Variants in PDE1C observed in about 807,000 individuals in gnomAD.
PDE1C encodes the protein dual specificity calcium/calmodulin-dependent 3',5'-cyclic nucleotide phosphodiesterase 1C.
Under a neutral mutation model 93.1 loss-of-function variants are expected in PDE1C, and 62 were observed. The ratio of observed to expected loss-of-function variants is 0.67; its 90% CI spans 0.54 to 0.82. The LOEUF is 0.82. Ranked by LOEUF, PDE1C falls within the 40% of genes least tolerant of loss-of-function variation. The probability of loss-of-function intolerance (pLI) is 0.00; values close to 1 mark genes in which losing one functional copy is unlikely to be tolerated. For synonymous variants in PDE1C, 325 were observed against 310.1 expected, an observed-to-expected ratio of 1.05 and a Z score of -0.50; for missense variants, 742 against 884.6, an observed-to-expected ratio of 0.84 and a Z score of 2.04.
At chr7:31,920,954 G>A (rs984705135) in intron 2 of PDE1C, among the ~76,000 whole-genome samples, 1 of 152,108 alleles carries the variant, frequency 6.6e-6, no homozygotes, top group African/African-American at 2.4e-5. Context: ...ACCCTTATGT[G>A]CATGTATATC....
intron 1 of PDE1C, among the ~76,000 whole-genome samples, chr7:32,216,390 A>G (rs1018051203): frequency 3.9e-5 from 6 of 152,058 alleles, no homozygotes; most frequent in African/African-American, 4.8e-5. Context: ...TCCTTCCATG[A>G]CAATGTAAGC....
intron 3 of PDE1C, among the ~76,000 whole-genome samples, chr7:32,146,787 G>A (rs567719712): frequency 6.6e-6 from 1 of 152,158 alleles, no homozygotes; most frequent in South Asian, 2.1e-4. Context: ...AGCGAATAAG[G>A]CATAGAAAAA....
the PDE1C span, among the ~76,000 whole-genome samples, chr7:31,681,119 C>A: frequency 1.3e-5 from 2 of 152,166 alleles, no homozygotes; most frequent in African/African-American, 4.8e-5. Context: ...GTTCTTGAAA[C>A]CATATGACAC....
At chr7:32,376,851 T>C (rs215718) in intron 1 of PDE1C, among the ~76,000 whole-genome samples, 136,306 of 152,100 alleles carry the variant, frequency 0.9, 62,155 homozygotes, top group East Asian at 1. Context: ...CCACGCCGGG[T>C]TAATTTTTTG....
chr7:32,173,428 C>T (rs541176353), intron 2 of PDE1C, among the ~76,000 whole-genome samples: 11 of 151,628 alleles, frequency 7.3e-5, no homozygotes, highest in East Asian at 3.9e-4. Context: ...CCATGGTACA[C>T]GTATACCTAT....
chr7:32,419,906 G>A (rs1785357966), intron 1 of PDE1C, among the ~76,000 whole-genome samples: 1 of 150,768 alleles, frequency 6.6e-6, no homozygotes, highest in Non-Finnish European at 1.5e-5. Flanking sequence ...GCACTACTCT[G>A]AACCTCAGTT....
chr7:32,249,418 G>T (rs1809200250), intron 1 of PDE1C, among the ~76,000 whole-genome samples: 1 of 151,938 alleles, frequency 6.6e-6, no homozygotes. Flanking sequence ...TTGGATCAGG[G>T]ATATGGCATC....
At chr7:32,276,273 G>C (rs1261351447) in intron 1 of PDE1C, among the ~76,000 whole-genome samples, 1 of 152,144 alleles carries the variant, frequency 6.6e-6, no homozygotes, top group East Asian at 1.9e-4. Flanking sequence ...AGAAGAAATA[G>C]GTATTAGAAG....
At chr7:32,061,027 A>G (rs902616575) in intron 1 of PDE1C, among the ~76,000 whole-genome samples, 2 of 152,216 alleles carry the variant, frequency 1.3e-5, no homozygotes, top group Non-Finnish European at 2.9e-5. Flanking sequence ...AAACATCTGG[A>G]AGGAGCTTTC....
At chr7:32,230,977 C>G (rs1336533299) in intron 1 of PDE1C, among the ~76,000 whole-genome samples, 1 of 152,146 alleles carries the variant, frequency 6.6e-6, no homozygotes, top group African/African-American at 2.4e-5. Flanking sequence ...CTTACCACCC[C>G]ACAGGAGCTA....
chr7:31,937,248 T>C (rs1396502096), intron 2 of PDE1C, among the ~76,000 whole-genome samples: 1 of 152,048 alleles, frequency 6.6e-6, no homozygotes, highest in East Asian at 1.9e-4. Flanking sequence ...AGAACGCAAA[T>C]TCCCCCGACA....
Position 32,374,255 on chromosome 7 carries a change from G to GAAA in PDE1C, c.310+53566_310+53567insTTT, listed in dbSNP as rs1399100723. On this transcript the variant is annotated intron_variant, in intron 1 of 1. Transcript: ENST00000672256. ...AAAAGAAAGAAGGAAGGAAAGGAAA[G>GAAA]GAAGAAAGAAAGAAAGAAAGAAAGA... Among the ~76,000 whole-genome samples the GAAA allele has an allele frequency of 2.5e-3, 323 of 127,530 alleles. 1 individual carries two copies. The highest frequency in any genetic ancestry group is 4.2e-3 in the Non-Finnish European group (250 of 60,110). The allele number at this position is 127,530 out of a possible 152,430, so 83.7% of individuals were successfully genotyped here.
At chr7:32,411,263 C>T (rs751928853) in intron 1 of PDE1C, among the ~76,000 whole-genome samples, 5 of 152,216 alleles carry the variant, frequency 3.3e-5, no homozygotes, top group East Asian at 1.9e-4. Flanking sequence ...TAGAGTCATG[C>T]GTCACTTAAT....
chr7:32,388,285 G>A (rs766004278), intron 1 of PDE1C, among the ~76,000 whole-genome samples: 2 of 152,108 alleles, frequency 1.3e-5, no homozygotes, highest in Non-Finnish European at 1.5e-5. Context: ...TCAGAGGTCA[G>A]GAACAAGGAG....
At chr7:32,248,020 C>A (rs1399706426) in intron 1 of PDE1C, among the ~76,000 whole-genome samples, 2 of 152,174 alleles carry the variant, frequency 1.3e-5, no homozygotes, top group Non-Finnish European at 2.9e-5. Flanking sequence ...ATTGACTCAA[C>A]TCAGTAAGTA....
At chr7:32,151,024 C>T (rs898040294) in intron 3 of PDE1C, among the ~76,000 whole-genome samples, 1 of 152,124 alleles carries the variant, frequency 6.6e-6, no homozygotes, top group Non-Finnish European at 1.5e-5. Context: ...AATGTTTTCC[C>T]AGATGAGGTC....
At chr7:32,343,499 T>C (rs1783798878) in intron 1 of PDE1C, among the ~76,000 whole-genome samples, 1 of 152,204 alleles carries the variant, frequency 6.6e-6, no homozygotes, top group African/African-American at 2.4e-5. Flanking sequence ...CCAAGCTTCA[T>C]CTGCCAAACA....
intron 1 of PDE1C, among the ~76,000 whole-genome samples, chr7:32,335,792 G>A (rs150944695): frequency 0.017 from 2,650 of 152,088 alleles, 23 homozygotes; most frequent in Non-Finnish European, 0.026. Flanking sequence ...GCAGTGGTGC[G>A]ATCATGGCTC....
At chr7:32,289,771 C>A (rs1189134158) in intron 1 of PDE1C, among the ~76,000 whole-genome samples, 1 of 152,128 alleles carries the variant, frequency 6.6e-6, no homozygotes, top group Non-Finnish European at 1.5e-5. Context: ...GGTTACTAGT[C>A]CATGCAAGTC....
Sources: allele counts gnomAD v4.1 joint callset (sites outside exome capture counted in the v4.1 genomes callset), GRCh38; gene constraint gnomAD v4.1.1; transcripts MANE v1.5; gene names NCBI Gene and HGNC (gene_info 2026-07-23, HGNC 2026-07-21).